The following ELMO1 variants were observed in gnomAD, a reference collection of about 807,000 sequenced individuals.
ELMO1 encodes the protein engulfment and cell motility protein 1.
ELMO1 carries 26 observed loss-of-function variants against 98.9 expected under a neutral mutation model. The observed-to-expected ratio is 0.26, with a 90% CI of 0.19 to 0.36. ELMO1 has a LOEUF of 0.36. ELMO1 is among the 10% of genes least tolerant of loss of function. ELMO1 has a pLI of 1.00. For missense variants in ELMO1, 627 were observed against 935.2 expected (o/e 0.67, Z 4.30); for synonymous variants, 346 against 346.0 (o/e 1.00, Z 0.00).
chr7:37,352,801 G>C (rs1387543951), intron 1 of ELMO1, among the ~76,000 whole-genome samples: 1 of 152,218 alleles, frequency 6.6e-6, no homozygotes, highest in Non-Finnish European at 1.5e-5. Context: ...ACTGTGCAAA[G>C]CAACGGAAGA....
intron 15 of ELMO1, among the ~76,000 whole-genome samples, chr7:37,046,923 C>CAACT (rs1242428003): frequency 6.6e-6 from 1 of 152,204 alleles, no homozygotes; most frequent in East Asian, 1.9e-4. Context: ...GACACTGGAA[C>CAACT]AACTCACTAT....
chr7:37,416,779 A>G (rs533949514), intron 1 of ELMO1, among the ~76,000 whole-genome samples: 1 of 152,372 alleles, frequency 6.6e-6, no homozygotes, highest in African/African-American at 2.4e-5. Flanking sequence ...AGAGTAGCAT[A>G]AGAGATTTTA....
At chr7:37,124,115 G>A (rs1786311362) in intron 14 of ELMO1, among the ~76,000 whole-genome samples, 1 of 152,116 alleles carries the variant, frequency 6.6e-6, no homozygotes, top group Non-Finnish European at 1.5e-5. Context: ...CAATAAATTA[G>A]GTATTGATGG....
intron 4 of ELMO1, among the ~76,000 whole-genome samples, chr7:37,280,295 A>G (rs1434265752): frequency 6.6e-6 from 1 of 152,266 alleles, no homozygotes; most frequent in Non-Finnish European, 1.5e-5. Flanking sequence ...GGCTTAGACA[A>G]GGATTTCATG....
At chr7:37,238,763 A>T (rs1021051082) in intron 7 of ELMO1, among the ~76,000 whole-genome samples, 1 of 152,142 alleles carries the variant, frequency 6.6e-6, no homozygotes, top group Admixed American at 6.5e-5. Flanking sequence ...TATACATTAG[A>T]TTTTATGAAA....
At chr7:36,962,689 G>A (rs1789059333) in intron 16 of ELMO1, among the ~76,000 whole-genome samples, 1 of 151,992 alleles carries the variant, frequency 6.6e-6, no homozygotes, top group Non-Finnish European at 1.5e-5. Flanking sequence ...GGGGTGGGAA[G>A]AAAAGCACAA....
At chr7:37,200,691 C>T (rs749007120) in intron 13 of ELMO1, among the ~76,000 whole-genome samples, 3 of 152,122 alleles carry the variant, frequency 2.0e-5, no homozygotes, top group Admixed American at 1.3e-4. Context: ...TATGGCCAGG[C>T]GCCATGGCTC....
chr7:36,900,015 C>T (rs1208598473), intron 16 of ELMO1, among the ~76,000 whole-genome samples: 2 of 152,138 alleles, frequency 1.3e-5, no homozygotes, highest in Non-Finnish European at 2.9e-5. Flanking sequence ...ATATTTTGGA[C>T]AGGGTATTCC....
intron 16 of ELMO1, among the ~76,000 whole-genome samples, chr7:36,922,998 C>G (rs1459937054): frequency 6.6e-6 from 1 of 152,114 alleles, no homozygotes; most frequent in Non-Finnish European, 1.5e-5. Context: ...CTGTCACAGC[C>G]CAGTCCCTCG....
At chr7:36,947,288 G>A (rs1001355390) in intron 16 of ELMO1, among the ~76,000 whole-genome samples, 1 of 152,194 alleles carries the variant, frequency 6.6e-6, no homozygotes, top group Non-Finnish European at 1.5e-5. Flanking sequence ...ATTTGGATGT[G>A]CCCAAAGCAC....
At chr7:37,012,062 G>A (rs1425751397) in intron 16 of ELMO1, among the ~76,000 whole-genome samples, 5 of 152,146 alleles carry the variant, frequency 3.3e-5, no homozygotes, top group Non-Finnish European at 7.3e-5. Context: ...TCCACAGAAG[G>A]GCATTACTGG....
chr7:37,053,494 T>C (rs1372195687), intron 15 of ELMO1, among the ~76,000 whole-genome samples: 3 of 152,210 alleles, frequency 2.0e-5, no homozygotes, highest in African/African-American at 7.2e-5. Flanking sequence ...TAAACTTCCC[T>C]ACTCAAGGCT....
intron 14 of ELMO1, among the ~76,000 whole-genome samples, chr7:37,118,144 T>A (rs912517998): frequency 6.6e-6 from 1 of 152,168 alleles, no homozygotes. Flanking sequence ...AAATTCCCCC[T>A]TGAAATGTTA....
At chr7:37,047,131 C>T (rs1423592272) in intron 15 of ELMO1, among the ~76,000 whole-genome samples, 1 of 152,220 alleles carries the variant, frequency 6.6e-6, no homozygotes, top group Non-Finnish European at 1.5e-5. Context: ...AAATGAATGT[C>T]TACAGGCATA....
intron 2 of ELMO1, among the ~76,000 whole-genome samples, chr7:37,327,518 A>G (rs1799879505): frequency 6.6e-6 from 1 of 152,248 alleles, no homozygotes; most frequent in Non-Finnish European, 1.5e-5. Flanking sequence ...AAGGAACCTG[A>G]GATTGAAAGT....
chr7:37,247,660 A>G (rs920906239), intron 6 of ELMO1, among the ~76,000 whole-genome samples: 1 of 152,222 alleles, frequency 6.6e-6, no homozygotes, highest in African/African-American at 2.4e-5. Flanking sequence ...CTATAATTTA[A>G]AAACACCAAA....
intron 2 of ELMO1, among the ~76,000 whole-genome samples, chr7:37,333,007 T>G (rs879524211): frequency 2.6e-5 from 4 of 152,138 alleles, no homozygotes; most frequent in Non-Finnish European, 5.9e-5. Flanking sequence ...GACTTGCTAT[T>G]TGAGGGGCTA....
At chr7:37,055,822 G>A (rs1313113958) in intron 15 of ELMO1, among the ~76,000 whole-genome samples, 10 of 152,158 alleles carry the variant, frequency 6.6e-5, no homozygotes, top group Non-Finnish European at 1.2e-4. Context: ...ACGCACCCTG[G>A]AGTTACACCA....
At chr7:37,120,860 C>A (rs962532768) in intron 14 of ELMO1, among the ~76,000 whole-genome samples, 7 of 152,182 alleles carry the variant, frequency 4.6e-5, no homozygotes, top group African/African-American at 1.7e-4. Context: ...AGTAGCCTAA[C>A]TGGGAGGCAC....
Sources: allele counts gnomAD v4.1 joint callset (sites outside exome capture counted in the v4.1 genomes callset), GRCh38; gene constraint gnomAD v4.1.1; transcripts MANE v1.5; gene names NCBI Gene and HGNC (gene_info 2026-07-23, HGNC 2026-07-21).